Variants in CTNNA3 observed in about 807,000 individuals in gnomAD.
CTNNA3 encodes the protein catenin alpha-3.
In CTNNA3, 76 loss-of-function variants were observed where a neutral mutation model predicts 95.7. The ratio of observed to expected loss-of-function variants is 0.79; its 90% CI spans 0.66 to 0.96. The LOEUF is 0.96. Ranked by LOEUF, CTNNA3 falls within the 40% of genes least tolerant of loss-of-function variation. The probability of loss-of-function intolerance (pLI) is 0.00; values close to 1 mark genes in which losing one functional copy is unlikely to be tolerated. For missense variants in CTNNA3, 1,191 were observed against 1,089.8 expected (o/e 1.09, Z -1.31); for synonymous variants, 431 against 374.4 (o/e 1.15, Z -1.74).
intron 9 of CTNNA3, among the ~76,000 whole-genome samples, chr10:66,738,361 T>C (rs769483607): frequency 3.3e-5 from 5 of 152,220 alleles, no homozygotes; most frequent in Non-Finnish European, 7.3e-5. Flanking sequence ...TGAATACTTT[T>C]ATCAGTTTGA....
chr10:66,214,559 C>T (rs1248671091), intron 13 of CTNNA3, among the ~76,000 whole-genome samples: 1 of 151,944 alleles, frequency 6.6e-6, no homozygotes, highest in Non-Finnish European at 1.5e-5. Context: ...TCTTATAAGA[C>T]AGCTATTTGG....
chr10:67,177,967 G>T (rs1469592075), intron 7 of CTNNA3, among the ~76,000 whole-genome samples: 4 of 152,186 alleles, frequency 2.6e-5, no homozygotes, highest in Non-Finnish European at 5.9e-5. Context: ...ATTTTAGACA[G>T]GGGTCCCAGG....
chr10:66,632,069 A>C (rs990570150), intron 9 of CTNNA3, among the ~76,000 whole-genome samples: 1 of 152,114 alleles, frequency 6.6e-6, no homozygotes, highest in Non-Finnish European at 1.5e-5. Flanking sequence ...ATTTTACTTA[A>C]TGATATAAAA....
chr10:67,120,379 T>C (rs189426314), intron 7 of CTNNA3, among the ~76,000 whole-genome samples: 2 of 152,020 alleles, frequency 1.3e-5, no homozygotes, highest in East Asian at 3.9e-4. Context: ...AAGCAAGATA[T>C]ATATATTGAT....
chr10:66,711,430 G>T (rs1472927182), intron 9 of CTNNA3, among the ~76,000 whole-genome samples: 1 of 151,758 alleles, frequency 6.6e-6, no homozygotes, highest in Non-Finnish European at 1.5e-5. Context: ...ATCTTCCTAG[G>T]TGTCCCTCAT....
At chr10:67,215,319 T>C (rs1473779599) in intron 6 of CTNNA3, among the ~76,000 whole-genome samples, 2 of 152,122 alleles carry the variant, frequency 1.3e-5, no homozygotes, top group African/African-American at 2.4e-5. Context: ...TTCAGTACCT[T>C]ATAATTTCAA....
intron 13 of CTNNA3, among the ~76,000 whole-genome samples, chr10:66,206,155 A>C (rs2087742853): frequency 6.6e-6 from 1 of 151,960 alleles, no homozygotes; most frequent in Non-Finnish European, 1.5e-5. Context: ...TATTTTGATC[A>C]CCATACTTAG....
At chr10:67,187,629 C>CAGGCTGAGT (rs1316460696) in intron 6 of CTNNA3, among the ~76,000 whole-genome samples, 1 of 151,994 alleles carries the variant, frequency 6.6e-6, no homozygotes, top group Admixed American at 6.6e-5. Context: ...CTCTGTCACC[C>CAGGCTGAGT]AGGCTGAGTG....
chr10:66,057,575 C>T (rs982762485), intron 15 of CTNNA3, among the ~76,000 whole-genome samples: 7 of 152,042 alleles, frequency 4.6e-5, no homozygotes, highest in Non-Finnish European at 1.0e-4. Flanking sequence ...TAAAGCATTT[C>T]TCATCAGCAT....
At chr10:67,411,045 G>T (rs914821193) in intron 5 of CTNNA3, among the ~76,000 whole-genome samples, 4 of 152,056 alleles carry the variant, frequency 2.6e-5, no homozygotes, top group African/African-American at 9.7e-5. Flanking sequence ...ACAGAGGCTG[G>T]GAGTGAGGAG....
chr10:67,246,162 G>T (rs534148494), intron 5 of CTNNA3, among the ~76,000 whole-genome samples: 1 of 152,152 alleles, frequency 6.6e-6, no homozygotes, highest in Non-Finnish European at 1.5e-5. Flanking sequence ...AATTAATAAC[G>T]ATTTTGCCTT....
intron 7 of CTNNA3, among the ~76,000 whole-genome samples, chr10:66,888,001 A>G (rs1390858344): frequency 2.6e-5 from 4 of 152,178 alleles, no homozygotes; most frequent in African/African-American, 9.7e-5. Flanking sequence ...GACTAATGGT[A>G]TAGACACAAA....
chr10:66,362,514 T>C (rs10997090), intron 12 of CTNNA3, among the ~76,000 whole-genome samples: 69,492 of 151,452 alleles, frequency 0.46, 18,380 homozygotes, highest in Non-Finnish European at 0.59. Context: ...AGTTTGAGAC[T>C]GGCCTGGCCA....
At chr10:66,270,351 T>C (rs964394364) in intron 13 of CTNNA3, among the ~76,000 whole-genome samples, 3 of 151,970 alleles carry the variant, frequency 2.0e-5, no homozygotes, top group African/African-American at 7.2e-5. Flanking sequence ...AGTATAGGCA[T>C]GCACCACCAT....
intron 5 of CTNNA3, among the ~76,000 whole-genome samples, chr10:67,507,278 C>T (rs1839455214): frequency 6.6e-6 from 1 of 152,068 alleles, no homozygotes; most frequent in South Asian, 2.1e-4. Flanking sequence ...GCCTGTAATC[C>T]CAGCACTTTG....
At chr10:67,005,655 G>T (rs1162515990) in intron 7 of CTNNA3, among the ~76,000 whole-genome samples, 2 of 91,712 alleles carry the variant, frequency 2.2e-5, no homozygotes, top group Non-Finnish European at 4.9e-5. Context: ...AAAAGCAAAA[G>T]TAATGCTTTT....
chr10:67,331,587 A>G (rs1161771763), intron 5 of CTNNA3, among the ~76,000 whole-genome samples: 1 of 152,164 alleles, frequency 6.6e-6, no homozygotes, highest in Admixed American at 6.5e-5. Flanking sequence ...AGGCAGTTCT[A>G]TCACTCAGCT....
At chr10:66,303,869 T>C (rs1200346026) in intron 12 of CTNNA3, among the ~76,000 whole-genome samples, 1 of 151,936 alleles carries the variant, frequency 6.6e-6, no homozygotes, top group African/African-American at 2.4e-5. Flanking sequence ...CTGGGATATA[T>C]AGATGTGAGC....
At chr10:67,034,226 A>T (rs1853905650) in intron 7 of CTNNA3, among the ~76,000 whole-genome samples, 1 of 152,146 alleles carries the variant, frequency 6.6e-6, no homozygotes, top group East Asian at 1.9e-4. Flanking sequence ...AACCGGGATC[A>T]CTTTCTTTAA....
Sources: gnomAD v4.1 joint callset for allele counts (sites outside exome capture counted in the v4.1 genomes callset) on GRCh38, gnomAD v4.1.1 for gene constraint, MANE v1.5 for transcripts, NCBI Gene and HGNC (gene_info 2026-07-23, HGNC 2026-07-21) for gene names.